Variants in RBP4 observed in about 807,000 individuals in gnomAD.
RBP4 encodes the protein retinol binding protein 4, also known as retinol-binding protein 4.
In RBP4, 9 loss-of-function variants were observed where a neutral mutation model predicts 26.2. The ratio of observed to expected loss-of-function variants is 0.34; its 90% CI spans 0.21 to 0.60. The LOEUF is 0.60. Among genes scored for constraint, RBP4 ranks in the 20% least tolerant of loss-of-function variants. RBP4 has a pLI of 0.80. For missense variants in RBP4, 244 were observed against 271.3 expected (o/e 0.90, Z 0.71); for synonymous variants, 114 against 111.0 (o/e 1.03, Z -0.17).
rs999618098 is a variant in RBP4 at position 93,601,202 on chromosome 10, C to T, written c.-50G>A. The stretch of plus-strand genomic sequence containing the variant: ...GAGGGGAACCGCGCGCAAGCCTGGC[C>T]GCCGAGTCCGGGCGCGCGTGGAGCG... On this transcript the variant is annotated 5_prime_UTR_variant, in exon 1 of 6. Transcript: ENST00000371464. 27 of 1,337,828 alleles carry T rather than the reference C, an allele frequency of 2.0e-5. No homozygotes were observed. Among genetic ancestry groups the T allele is most frequent in the Non-Finnish European group, 2.5e-5 (26 of 1,053,270 alleles). 82.9% of individuals were successfully genotyped at this position (1,337,828 alleles called of 1,614,324 possible). A position where few individuals can be genotyped will look rare whatever the true frequency, so the allele number is the denominator to read the frequency against.
Position 93,594,132 on chromosome 10 carries a change from C to T in RBP4, c.356-97G>A, listed in dbSNP as rs552278183. On this transcript the variant is annotated intron_variant, in intron 4 of 5. Transcript: ENST00000371464. ...ACCAGGCCTGAGAACACAGTGACTT[C>T]CAGAAGCTGGTTTTATTTCTTTAGG... The T allele has an allele frequency of 1.9e-4, 221 of 1,166,534 alleles. 1 individual carries two copies. Among genetic ancestry groups the T allele is most frequent in the Middle Eastern group, 1.2e-3 (6 of 5,118 alleles). 72.3% of individuals were successfully genotyped at this position (1,166,534 alleles called of 1,614,324 possible).
chr10:93,592,898 G>A, intron 5 of RBP4, among the ~76,000 whole-genome samples: 1 of 152,054 alleles, frequency 6.6e-6, no homozygotes, highest in East Asian at 1.9e-4. Context: ...ACTCACTGCA[G>A]CCTCCGCCTC....
rs748422517 is a variant in RBP4, at chr10:93,600,898, C to A, written c.111+20G>T. 13 of 1,611,498 alleles carry A rather than the reference C, an allele frequency of 8.1e-6. No homozygotes were observed. Among genetic ancestry groups the A allele is most frequent in the Non-Finnish European group, 1.1e-5 (13 of 1,179,476 alleles). On this transcript the variant is annotated intron_variant, in intron 2 of 5. Transcript: ENST00000371464. ...GGGGTGGGGACCTGGGCCGCCTGGG[C>A]CCCCTGGGCCGATACCTACGCGAGC...
chr10:93,598,644 C>T (rs1256524959), intron 4 of RBP4, among the ~76,000 whole-genome samples: 10 of 152,192 alleles, frequency 6.6e-5, no homozygotes, highest in Non-Finnish European at 2.9e-5. Flanking sequence ...CAAAAGCAAA[C>T]TAATCTGGTT....
chr10:93,593,425 GT>G (rs1365809181), intron 5 of RBP4, among the ~76,000 whole-genome samples: 1 of 152,188 alleles, frequency 6.6e-6, no homozygotes, highest in East Asian at 1.9e-4. Flanking sequence ...CCCCTGTGGA[GT>G]TTTTACGTCA....
intron 4 of RBP4, among the ~76,000 whole-genome samples, chr10:93,598,285 T>C (rs1475383562): frequency 1.3e-5 from 2 of 152,246 alleles, no homozygotes; most frequent in Non-Finnish European, 2.9e-5. Flanking sequence ...CTGAGTGCTT[T>C]CTGCCTGTTG....
At position 93,595,894 on chromosome 10, in the gene RBP4, A is replaced by C. The variant is rs542855487; in HGVS notation, c.356-1859T>G. On this transcript the variant is annotated intron_variant, in intron 4 of 5. Transcript: ENST00000371464. ...GGCTGTTCCAGGGTAACAGTGTCAGAGGTGGGGCTGAGGAGATGTTCCAGA... is the reference window on the plus strand; with the variant it reads ...GGCTGTTCCAGGGTAACAGTGTCAGCGGTGGGGCTGAGGAGATGTTCCAGA... Among the ~76,000 whole-genome samples the C allele has an allele frequency of 1.6e-4, 25 of 152,326 alleles. No individual in the cohort carries two copies. The East Asian group carries it at 4.8e-3, about 29-fold the overall frequency.
At chr10:93,601,095 C>T in intron 1 of RBP4, 49 bp from the exon 2 acceptor site, 7 of 1,578,762 alleles carry the variant, frequency 4.4e-6, no homozygotes, top group Non-Finnish European at 5.1e-6. Flanking sequence ...CCCCCGCCGC[C>T]GTATCCCACC....
chr10:93,600,878 G>A (rs2058333067), intron 2 of RBP4, 40 bp downstream of exon 2: 2 of 1,608,094 alleles, frequency 1.2e-6, no homozygotes, highest in Non-Finnish European at 1.7e-6. Context: ...GGGATGGGGT[G>A]GGGACCTGGG....
chr10:93,593,862 G>C lies in RBP4; in HGVS notation c.529C>G (p.Leu177Val), dbSNP rs202087238. 1 of 1,612,638 alleles carries C rather than the reference G, an allele frequency of 6.2e-7. No individual in the cohort carries two copies. Among genetic ancestry groups the C allele is most frequent in the Admixed American group, 1.7e-5 (1 of 60,020 alleles). Reference sequence around the variant, plus strand: ...AGCCTGTACTGCCTGGCCAGGCACAGCTCCTCCTGCCGCTGCCTTACAATC... The same window carrying C: ...AGCCTGTACTGCCTGGCCAGGCACACCTCCTCCTGCCGCTGCCTTACAATC... ...QKIVRQRQEE[L>V]CLARQYRLIV... Residue 177 changes from leucine to valine, a missense_variant, in exon 5 of 6, where the codon CTG (leucine) becomes GTG (valine). Coordinates refer to ENST00000371464, the MANE Select transcript of RBP4 (RefSeq NM_006744.4).
At chr10:93,601,109 C>T in intron 1 of RBP4, 62 bp downstream of exon 1, 2 of 1,519,776 alleles carry the variant, frequency 1.3e-6, no homozygotes, top group Non-Finnish European at 1.8e-6. Flanking sequence ...TCCCACCTCA[C>T]CCCACCCCAC....
chr10:93,592,140 C>A (rs771687943), intron 5 of RBP4, 28 bp from the exon 6 acceptor site: 2 of 1,612,518 alleles, frequency 1.2e-6, no homozygotes, highest in Non-Finnish European at 1.7e-6. Flanking sequence ...AAGCCATTAA[C>A]GACAGAAAGT....
intron 3 of RBP4, 67 bp from the exon 4 acceptor site, chr10:93,600,566 G>A (rs941471801): frequency 6.8e-6 from 11 of 1,612,152 alleles, no homozygotes; most frequent in Non-Finnish European, 9.3e-6. Context: ...CCACCCATTC[G>A]GTGCTCCCTT....
At chr10:93,599,698 G>T (rs953640959) in intron 4 of RBP4, among the ~76,000 whole-genome samples, 4 of 152,166 alleles carry the variant, frequency 2.6e-5, no homozygotes, top group African/African-American at 9.7e-5. Flanking sequence ...TTATTCTCTA[G>T]CTACCAAGTA....
Position 93,597,309 on chromosome 10 carries a change from A to G in RBP4, c.355+3084T>C, listed in dbSNP as rs2058308915. The stretch of plus-strand genomic sequence containing the variant: ...CTAGCAGAGTGACAGACTTCATCTG[A>G]CAGAAGGACACAAGGAGAGTCTTTG... On this transcript the variant is annotated intron_variant, in intron 4 of 5. Coordinates refer to ENST00000371464, the MANE Select transcript of RBP4 (RefSeq NM_006744.4). Among the ~76,000 whole-genome samples the G allele has an allele frequency of 2.0e-5, 3 of 152,366 alleles. No homozygotes were observed. In the South Asian group the frequency reaches 6.2e-4, roughly 32 times the overall value.
intron 4 of RBP4, among the ~76,000 whole-genome samples, chr10:93,594,707 C>A (rs1349712935): frequency 6.6e-6 from 1 of 152,244 alleles, no homozygotes; most frequent in East Asian, 1.9e-4. Context: ...GTCCTCTTCA[C>A]AACTCACAGA....
chr10:93,595,273 T>C (rs539921676), intron 4 of RBP4, among the ~76,000 whole-genome samples: 1 of 152,310 alleles, frequency 6.6e-6, no homozygotes, highest in South Asian at 2.1e-4. Flanking sequence ...AATACCATGA[T>C]TGGGACTTTC....
intron 5 of RBP4, among the ~76,000 whole-genome samples, chr10:93,593,226 A>C (rs17108991): frequency 0.19 from 28,425 of 152,152 alleles, 2,765 homozygotes; most frequent in South Asian, 0.34. Flanking sequence ...TTTCCTGCAC[A>C]ATGTTCCTGG....
intron 4 of RBP4, among the ~76,000 whole-genome samples, chr10:93,596,917 A>G (rs1350902201): frequency 6.6e-6 from 1 of 152,206 alleles, no homozygotes; most frequent in Non-Finnish European, 1.5e-5. Flanking sequence ...CAGCCAGGCA[A>G]CAGATTCAAT....
Sources: gnomAD v4.1 joint callset for allele counts (sites outside exome capture counted in the v4.1 genomes callset) on GRCh38, gnomAD v4.1.1 for gene constraint, MANE v1.5 for transcripts, NCBI Gene and HGNC (gene_info 2026-07-23, HGNC 2026-07-21) for gene names.